ZNF484: variants seen among roughly 807,000 people sequenced by gnomAD.
ZNF484 encodes KRAB box containing C2H2 type zinc finger bA526D8.4.
ZNF484 carries 11 observed loss-of-function variants against 12.9 expected under a neutral mutation model. The observed-to-expected ratio is 0.85, with a 90% confidence interval of 0.54 to 1.41. The LOEUF is 1.41. Among genes scored for constraint, ZNF484 ranks in the 40% most tolerant of loss-of-function variants. ZNF484 has a pLI of 0.00. For synonymous variants in ZNF484, 289 were observed against 334.1 expected, an observed-to-expected ratio of 0.86 and a Z score of 1.47; for missense variants, 807 against 1,007.7, an observed-to-expected ratio of 0.80 and a Z score of 2.70.
rs1449973922 is a variant in ZNF484, at chr9:92,848,021, A to C, written c.766T>G (p.Tyr256Asp). ...TRESLYLFSDYVNVFSPKSHA... is the reference protein window; with the variant it reads ...TRESLYLFSDDVNVFSPKSHA... ...GACTTCGGGGAGAAAACATTTACGT[A>C]GTCAGAAAACAAATAGAGGCTCTCT... The change falls in exon 5 of 5, where the codon TAC becomes GAC. Residue 256 changes from tyrosine to aspartate, a missense_variant. Transcript: ENST00000375495. The surrounding 1 kb of genome is among the most constrained non-coding windows in gnomAD (Gnocchi z 4.1). The C allele has an allele frequency of 6.2e-7, 1 of 1,614,228 alleles. No individual in the cohort carries two copies. The highest frequency in any genetic ancestry group is 8.5e-7 in the Non-Finnish European group (1 of 1,180,040).
chr9:92,847,333 A>G lies in ZNF484; in HGVS notation c.1454T>C (p.Ile485Thr), dbSNP rs201093815. ...KVFTHKTNLI[I>T]HQKIHTGERP... The stretch of plus-strand genomic sequence containing the variant: ...TTCTCCTGTATGAATTTTCTGGTGT[A>G]TAATGAGATTTGTCTTGTGAGTGAA... Residue 485 changes from isoleucine (I) to threonine (T), a missense_variant, in exon 5 of 5, where the codon ATA becomes ACA. Physicochemically the swap from Ile to Thr is moderately conservative, Grantham distance 89. Transcript: ENST00000375495. The G allele has an allele frequency of 8.7e-6, 14 of 1,613,800 alleles. No homozygotes were observed. The East Asian group carries it at 1.8e-4, about 21-fold the overall frequency.
rs187056773 is a variant in ZNF484 at position 92,844,418 on chromosome 9, C to T, written c.*1810G>A. The stretch of plus-strand genomic sequence containing the variant: ...ACATGTGCACACACGTACACGCACA[C>T]GTGCACACACACACCCCAAAACCAC... On this transcript the variant is annotated 3_prime_UTR_variant, in exon 5 of 5. Transcript: ENST00000375495. Among the ~76,000 whole-genome samples the T allele has an allele frequency of 8.5e-5, 13 of 152,196 alleles. No homozygotes were observed. The highest frequency in any genetic ancestry group is 1.4e-4 in the African/African-American group (6 of 41,540).
intron 4 of ZNF484, among the ~76,000 whole-genome samples, chr9:92,851,543 T>C (rs1856082657): frequency 6.6e-6 from 1 of 152,186 alleles, no homozygotes; most frequent in African/African-American, 2.4e-5. Context: ...TTTGTGCCTT[T>C]ACAAAAAATT....
chr9:92,862,367 A>G (rs745414958), intron 2 of ZNF484, among the ~76,000 whole-genome samples: 1 of 152,072 alleles, frequency 6.6e-6, no homozygotes, highest in Non-Finnish European at 1.5e-5. Context: ...TATAAAGGGC[A>G]TAAGAGATGT....
At chr9:92,858,416 G>C (rs945354008) in intron 2 of ZNF484, among the ~76,000 whole-genome samples, 2 of 152,030 alleles carry the variant, frequency 1.3e-5, no homozygotes, top group African/African-American at 4.8e-5. Context: ...ACCTATCAGA[G>C]TCTGAGAAGT....
At chr9:92,863,197 A>G (rs530957535) in intron 2 of ZNF484, among the ~76,000 whole-genome samples, 3 of 148,232 alleles carry the variant, frequency 2.0e-5, no homozygotes, top group East Asian at 4.1e-4. Context: ...GTTCTTACTT[A>G]TAAGTGGGAG....
At chr9:92,869,962 A>G (rs1857334176) in intron 2 of ZNF484, among the ~76,000 whole-genome samples, 1 of 152,260 alleles carries the variant, frequency 6.6e-6, no homozygotes, top group African/African-American at 2.4e-5. Context: ...AGGCAGTTAT[A>G]ACTGACCAAA....
intron 2 of ZNF484, among the ~76,000 whole-genome samples, chr9:92,858,394 A>G (rs1856590014): frequency 6.6e-6 from 1 of 151,190 alleles, no homozygotes; most frequent in African/African-American, 2.5e-5. Context: ...GTGACATAGT[A>G]AAAAAGGTAT....
intron 2 of ZNF484, among the ~76,000 whole-genome samples, chr9:92,867,550 GCAAACCAC>G (rs1436958454): frequency 1.3e-5 from 2 of 152,118 alleles, no homozygotes; most frequent in African/African-American, 4.8e-5. Context: ...GATAGATGCA[GCAAACCAC>G]CATGGCACGC....
At chr9:92,868,975 C>T (rs1478699645) in intron 2 of ZNF484, among the ~76,000 whole-genome samples, 5 of 152,070 alleles carry the variant, frequency 3.3e-5, no homozygotes, top group African/African-American at 1.2e-4. Context: ...ATCCTCCTAC[C>T]TTGGCTTCCT....
Position 92,846,854 on chromosome 9 carries a change from A to G in ZNF484, c.1933T>C (p.Phe645Leu). The change falls in exon 5 of 5, where the codon TTT (phenylalanine) becomes CTT (leucine). Residue 645 changes from phenylalanine to leucine, a missense_variant. Coordinates refer to ENST00000375495, the MANE Select transcript of ZNF484 (RefSeq NM_031486.4). Reference sequence around the variant, plus strand: ...GTAAAGAGATTTGATCTGTCAGTAAAAGCCTTTCCACATTCAGCACACCTA... The same window carrying G: ...GTAAAGAGATTTGATCTGTCAGTAAGAGCCTTTCCACATTCAGCACACCTA... ...PYRCAECGKA[F>L]TDRSNLFTHQ... 1 of 1,613,846 alleles carries G rather than the reference A, an allele frequency of 6.2e-7. No homozygotes were observed. Among genetic ancestry groups the G allele is most frequent in the South Asian group, 1.1e-5 (1 of 91,060 alleles).
In ZNF484 at chr9:92,847,346, T is replaced by A. The variant is rs1315765602; in HGVS notation, c.1441A>T (p.Thr481Ser). 6.2e-7 allele frequency: 1 copy of A among 1,613,766 alleles called. No homozygotes were observed. Among genetic ancestry groups the A allele is most frequent in the Admixed American group, 1.7e-5 (1 of 59,948 alleles). The change falls in exon 5 of 5, where the codon ACA (threonine) becomes TCA (serine). Residue 481 changes from threonine to serine, a missense_variant. Coordinates refer to ENST00000375495, the MANE Select transcript of ZNF484 (RefSeq NM_031486.4). The stretch of plus-strand genomic sequence containing the variant: ...ATTTTCTGGTGTATAATGAGATTTG[T>A]CTTGTGAGTGAAGACCTTCCCACAT... ...SECGKVFTHKTNLIIHQKIHT... is the reference protein window; with the variant it reads ...SECGKVFTHKSNLIIHQKIHT...
Position 92,846,278 on chromosome 9 carries a change from A to G in ZNF484, c.2509T>C (p.Leu837=). The G allele has an allele frequency of 6.2e-7, 1 of 1,614,060 alleles. No homozygotes were observed. The highest frequency in any genetic ancestry group is 1.6e-4 in the Middle Eastern group (1 of 6,062). Residue 837 remains leucine, a synonymous_variant, in exon 5 of 5, where the codon TTA becomes CTA. Transcript: ENST00000375495. ...TCACCTTCTGAGTCCCCACACCATA[A>G]TTGTGGCATGGAGCACTCTACTTCC... The part of the protein sequence containing the change: ...NGEVECSMPQ[L]WCGDSEGDQG...
At chr9:92,865,166 G>A (rs1381509011) in intron 2 of ZNF484, among the ~76,000 whole-genome samples, 1 of 152,212 alleles carries the variant, frequency 6.6e-6, no homozygotes, top group Non-Finnish European at 1.5e-5. Context: ...CAGGCTGGGT[G>A]CAGTGGCACA....
rs1181334221 is a variant in ZNF484, at chr9:92,856,228, C to T, written c.106G>A (p.Val36Met). ...DLAQKSLYRE[V>M]MLENYFNLIS... The stretch of plus-strand genomic sequence containing the variant: ...AAGTTGAAATAGTTTTCCAGCATCA[C>T]TTCTCTGTACAGGCTTTTCTGAGCA... Residue 36 changes from valine (V) to methionine (M), a missense_variant, in exon 3 of 5, where the codon GTG (valine) becomes ATG (methionine). Physicochemically the swap from Val to Met is conservative, Grantham distance 21 (BLOSUM62 1). Coordinates refer to ENST00000375495, the MANE Select transcript of ZNF484 (RefSeq NM_031486.4). 2 of 1,613,994 alleles carry T rather than the reference C, an allele frequency of 1.2e-6. No individual in the cohort carries two copies. The highest frequency in any genetic ancestry group is 1.7e-6 in the Non-Finnish European group (2 of 1,179,994).
chr9:92,852,529 C>CTTTTT (rs760841960), intron 4 of ZNF484, among the ~76,000 whole-genome samples: 14 of 63,476 alleles, frequency 2.2e-4, no homozygotes, highest in African/African-American at 5.2e-4. Flanking sequence ...CACGCCCAGC[C>CTTTTT]TTTTTTTTTT....
chr9:92,858,667 C>T (rs994595092), intron 2 of ZNF484, among the ~76,000 whole-genome samples: 8 of 151,904 alleles, frequency 5.3e-5, no homozygotes, highest in Admixed American at 5.2e-4. Context: ...ATAAAGTATC[C>T]TAGCATTATT....
At chr9:92,856,396 GT>G (rs1856462647) in intron 2 of ZNF484, 78 bp from the exon 3 acceptor site, 3 of 1,202,458 alleles carry the variant, frequency 2.5e-6, no homozygotes, top group Admixed American at 2.8e-5. Context: ...ACCTTTCAAT[GT>G]GAAGGATCGA....
At position 92,847,829 on chromosome 9, in the gene ZNF484, T is replaced by A; in HGVS notation, c.958A>T (p.Lys320Ter). Reference sequence around the variant, plus strand: ...TAGTAATTCCCCTCATAAGGAGTTTTCTGACGGTTTGACTTGAGGGAAAAA... The same window carrying A: ...TAGTAATTCCCCTCATAAGGAGTTTACTGACGGTTTGACTTGAGGGAAAAA... ...KDFSLKSNRQ[K>*]TPYEGNYYKC... Residue 320 changes from lysine to a stop codon, truncating the protein, a stop_gained, in exon 5 of 5, where the codon AAA becomes TAA. Transcript: ENST00000375495. LOFTEE classifies it low-confidence loss of function (END_TRUNC). 1.9e-6 allele frequency: 3 copies of A among 1,614,142 alleles called. No individual in the cohort carries two copies. The highest frequency in any genetic ancestry group is 2.5e-6 in the Non-Finnish European group (3 of 1,180,040).
Sources: allele counts gnomAD v4.1 joint callset (sites outside exome capture counted in the v4.1 genomes callset), GRCh38; gene constraint gnomAD v4.1.1; non-coding constraint Gnocchi (gnomAD v3.1); transcripts MANE v1.5; gene names NCBI Gene and HGNC (gene_info 2026-07-23, HGNC 2026-07-21).